ZFAT: variants seen among roughly 807,000 people sequenced by gnomAD.
ZFAT encodes the protein zinc finger protein ZFAT.
In ZFAT, 64 loss-of-function variants were observed where a neutral mutation model predicts 117.7. The ratio of observed to expected loss-of-function variants is 0.54; its 90% CI spans 0.44 to 0.67. The LOEUF is 0.67. ZFAT is among the 30% of genes least tolerant of loss of function. The pLI is 0.00. For synonymous variants in ZFAT, 679 were observed against 615.0 expected, an observed-to-expected ratio of 1.10 and a Z score of -1.54; for missense variants, 1,433 against 1,584.5, an observed-to-expected ratio of 0.90 and a Z score of 1.62.
the ZFAT span, among the ~76,000 whole-genome samples, chr8:134,778,626 A>G: frequency 6.6e-6 from 1 of 152,324 alleles, no homozygotes; most frequent in East Asian, 1.9e-4. Flanking sequence ...GGAGAGTCTG[A>G]CTAATAAATT....
chr8:134,612,757 C>G (rs2096410777), intron 3 of ZFAT, among the ~76,000 whole-genome samples: 1 of 152,162 alleles, frequency 6.6e-6, no homozygotes, highest in Non-Finnish European at 1.5e-5. Context: ...ATGAATCAGA[C>G]AGAACTGCAT....
chr8:134,778,804 C>T, the ZFAT span, among the ~76,000 whole-genome samples: 5 of 152,136 alleles, frequency 3.3e-5, no homozygotes, highest in Non-Finnish European at 7.3e-5. Flanking sequence ...ACTGGATATA[C>T]GAAGGCACAG....
chr8:134,516,821 T>C (rs974321740), intron 13 of ZFAT, among the ~76,000 whole-genome samples: 2 of 151,462 alleles, frequency 1.3e-5, no homozygotes, highest in Non-Finnish European at 2.9e-5. Context: ...GGAGGCTCCA[T>C]GGCATGCCGG....
rs1280429160 is a variant in ZFAT at position 134,697,222 on chromosome 8, A to C, written c.19+15623T>G. On this transcript the variant is annotated intron_variant, in intron 1 of 15. Transcript: ENST00000377838. The stretch of plus-strand genomic sequence containing the variant: ...CTCCGCCTCCCTGGTTCAAGCAATT[A>C]TCCGCCTCAGCCTCCTGAGTACCTG... Among the ~76,000 whole-genome samples, 32 of 151,950 alleles carry C rather than the reference A, an allele frequency of 2.1e-4. 1 individual carries two copies. The highest frequency in any genetic ancestry group is 6.5e-4 in the African/African-American group (27 of 41,410).
intron 7 of ZFAT, among the ~76,000 whole-genome samples, chr8:134,591,053 G>A (rs1826466418): frequency 1.3e-5 from 2 of 152,118 alleles, no homozygotes; most frequent in South Asian, 4.1e-4. Flanking sequence ...GAGGCAGGTG[G>A]TACTCAACCT....
At chr8:134,778,431 T>G in the ZFAT span, among the ~76,000 whole-genome samples, 1 of 152,232 alleles carries the variant, frequency 6.6e-6, no homozygotes, top group Non-Finnish European at 1.5e-5. Context: ...TTCCTTCTAT[T>G]TCCTTTCTCA....
intron 3 of ZFAT, among the ~76,000 whole-genome samples, chr8:134,632,230 C>G (rs773921478): frequency 6.6e-6 from 1 of 152,148 alleles, no homozygotes; most frequent in Admixed American, 6.5e-5. Flanking sequence ...ACTTAATGAA[C>G]AGTAAACATA....
chr8:134,597,007 A>T (rs1054511198), intron 7 of ZFAT, among the ~76,000 whole-genome samples: 2 of 149,696 alleles, frequency 1.3e-5, no homozygotes, highest in African/African-American at 4.9e-5. Context: ...AAAAAAAAAA[A>T]TTTGATTTCA....
chr8:134,663,947 G>A (rs1832068446), intron 1 of ZFAT, among the ~76,000 whole-genome samples: 2 of 152,282 alleles, frequency 1.3e-5, no homozygotes, highest in African/African-American at 4.8e-5. Flanking sequence ...CAACTAATGA[G>A]GAAGCTGAGT....
chr8:134,508,411 C>G (rs1819573813), intron 15 of ZFAT, among the ~76,000 whole-genome samples: 1 of 152,210 alleles, frequency 6.6e-6, no homozygotes, highest in South Asian at 2.1e-4. Context: ...GAAAAGCTAA[C>G]CCCCTTCCTG....
intron 10 of ZFAT, among the ~76,000 whole-genome samples, chr8:134,572,404 T>C (rs1161149815): frequency 1.3e-5 from 2 of 152,170 alleles, no homozygotes; most frequent in Non-Finnish European, 1.5e-5. Context: ...GGCTGAGATG[T>C]TTCATCCGCT....
intron 2 of ZFAT, among the ~76,000 whole-genome samples, chr8:134,649,980 C>T (rs1233524309): frequency 1.3e-5 from 2 of 152,254 alleles, no homozygotes; most frequent in South Asian, 2.1e-4. Flanking sequence ...GGCATTTCCC[C>T]TTGTTTGCAC....
intron 11 of ZFAT, among the ~76,000 whole-genome samples, chr8:134,535,750 G>A (rs776782630): frequency 2.0e-4 from 31 of 151,894 alleles, no homozygotes; most frequent in South Asian, 1.0e-3. Flanking sequence ...TATCTAGTGC[G>A]CAGAGAACAA....
At chr8:134,716,584 G>C (rs1281836849), upstream of ZFAT, among the ~76,000 whole-genome samples, 1 of 152,106 alleles carries the variant, frequency 6.6e-6, no homozygotes, top group Non-Finnish European at 1.5e-5. Context: ...CATCAGAATG[G>C]CCTGAAACAT....
At chr8:134,794,574 TC>T in the ZFAT span, 3 of 152,384 alleles carry the variant, frequency 2.0e-5, no homozygotes, top group East Asian at 5.8e-4. Flanking sequence ...TCCTTGATAA[TC>T]TTTTACCTGC....
chr8:134,714,281 T>C (rs4595087), upstream of ZFAT, among the ~76,000 whole-genome samples: 152,218 of 152,318 alleles, frequency 1, 76,060 homozygotes, highest in Middle Eastern at 1. Context: ...AGCCCTGAAG[T>C]TCACACTTCA....
intron 2 of ZFAT, among the ~76,000 whole-genome samples, chr8:134,648,941 C>A (rs1017412168): frequency 3.3e-5 from 5 of 151,888 alleles, no homozygotes; most frequent in African/African-American, 1.2e-4. Flanking sequence ...CAAATGAGAT[C>A]TATCCAAAAG....
chr8:134,641,225 GCA>G (rs1466171715), intron 2 of ZFAT, among the ~76,000 whole-genome samples: 1 of 151,898 alleles, frequency 6.6e-6, no homozygotes, highest in Non-Finnish European at 1.5e-5. Context: ...CTGCACATAT[GCA>G]CACACAGACA....
intron 1 of ZFAT, among the ~76,000 whole-genome samples, chr8:134,693,084 A>G (rs1833658751): frequency 6.6e-6 from 1 of 152,256 alleles, no homozygotes; most frequent in South Asian, 2.1e-4. Flanking sequence ...ATATGTACAT[A>G]CATACTTCTG....
Sources: allele counts gnomAD v4.1 joint callset (sites outside exome capture counted in the v4.1 genomes callset), GRCh38; gene constraint gnomAD v4.1.1; transcripts MANE v1.5; gene names NCBI Gene and HGNC (gene_info 2026-07-23, HGNC 2026-07-21).